GABBR2: variants seen among roughly 807,000 people sequenced by gnomAD.
GABBR2 encodes gamma-aminobutyric acid type B receptor subunit 2, also known as G-protein coupled receptor 51.
In GABBR2, 23 loss-of-function variants were observed where a neutral mutation model predicts 105.6. The observed-to-expected ratio is 0.22, with a 90% CI of 0.16 to 0.31. The LOEUF (loss-of-function observed/expected upper bound fraction) is 0.31. GABBR2 is among the 10% of genes least tolerant of loss of function. GABBR2 has a pLI of 1.00. For synonymous variants in GABBR2, 478 were observed against 499.7 expected (o/e 0.96, Z 0.58); for missense variants, 734 against 1,245.5 (o/e 0.59, Z 6.18).
In GABBR2 at chr9:98,475,575, T is replaced by TG. The variant is rs1588181864; in HGVS notation, c.799-2230dup. 2.0e-5 allele frequency among the ~76,000 whole-genome samples: 3 copies of TG among 152,196 alleles called. No individual in the cohort carries two copies. In the East Asian group the frequency reaches 5.8e-4, roughly 29 times the overall value. ...TTATTTTATTCTCACAACTACCCTA[T>TG]GAGGTATGCACTATTATCTAAATTT... is the stretch of plus-strand genomic sequence containing the variant. On this transcript the variant is annotated intron_variant, in intron 5 of 18. Transcript: ENST00000259455.
chr9:98,634,123 T>C (rs1353053695), intron 1 of GABBR2, among the ~76,000 whole-genome samples: 1 of 152,184 alleles, frequency 6.6e-6, no homozygotes, highest in Non-Finnish European at 1.5e-5. Flanking sequence ...CCGCTGACTA[T>C]AGGAGTGCCT....
chr9:98,517,424 A>G (rs1045504803), intron 3 of GABBR2, among the ~76,000 whole-genome samples: 9 of 152,094 alleles, frequency 5.9e-5, no homozygotes, highest in African/African-American at 2.2e-4. Flanking sequence ...CTCCACCCAC[A>G]TATGTGTCAG....
In GABBR2 at chr9:98,708,697, G is replaced by T. The variant is rs1830937652; in HGVS notation, c.41C>A (p.Pro14Gln). ...PRSSGQPGPP[P>Q]PPPPPPARLL... is the part of the protein sequence containing the mutation. ...GCGCGCGGGCGGCGGTGGCGGCGGC[G>T]GCGGCGGCCCGGGCTGCCCGGAGCT... is the stretch of plus-strand genomic sequence containing the variant. The change falls in exon 1 of 19, where the codon CCG (proline) becomes CAG (glutamine). Residue 14 changes from proline (P) to glutamine (Q), a missense_variant. By Grantham distance (76) the Pro-to-Gln change is moderately conservative. This residue lies in a region of GABBR2 where 70 missense variants were observed against 73.4 expected (regional missense o/e 0.95). Coordinates refer to ENST00000259455, the MANE Select transcript of GABBR2 (RefSeq NM_005458.8). The T allele has an allele frequency of 4.9e-6, 5 of 1,024,368 alleles. No individual in the cohort carries two copies. The highest frequency in any genetic ancestry group is 4.7e-4 in the Middle Eastern group (1 of 2,124). The allele number at this position is 1,024,368 out of a possible 1,614,324, so 63.5% of individuals were successfully genotyped here. A position where few individuals can be genotyped will look rare whatever the true frequency, so the allele number is the denominator to read the frequency against.
At chr9:98,490,175 A>G (rs1467470025) in intron 4 of GABBR2, among the ~76,000 whole-genome samples, 1 of 152,200 alleles carries the variant, frequency 6.6e-6, no homozygotes, top group East Asian at 1.9e-4. Flanking sequence ...CAACACTGTG[A>G]ATGTACTTAA....
chr9:98,539,251 G>C (rs1422668105), intron 3 of GABBR2, among the ~76,000 whole-genome samples: 1 of 152,218 alleles, frequency 6.6e-6, no homozygotes, highest in African/African-American at 2.4e-5. Flanking sequence ...TTACAGGGTG[G>C]CTGTCTGTGA....
At chr9:98,463,888 G>A (rs1022509053) in intron 6 of GABBR2, among the ~76,000 whole-genome samples, 7 of 152,092 alleles carry the variant, frequency 4.6e-5, no homozygotes, top group African/African-American at 7.2e-5. Context: ...TGCCCGCCTC[G>A]GCCTCCCAAG....
intron 6 of GABBR2, among the ~76,000 whole-genome samples, chr9:98,470,817 A>C (rs1826658467): frequency 6.6e-6 from 1 of 151,504 alleles, no homozygotes; most frequent in African/African-American, 2.4e-5. Flanking sequence ...GCATTATTTT[A>C]ATTGCATTAA....
At chr9:98,409,052 C>G (rs7048026) in intron 7 of GABBR2, among the ~76,000 whole-genome samples, 12,612 of 152,276 alleles carry the variant, frequency 0.083, 1,723 homozygotes, top group African/African-American at 0.29. Context: ...TAGCCAGAGG[C>G]AAAAGCCAGG....
At chr9:98,472,889 T>C (rs922702859) in intron 6 of GABBR2, among the ~76,000 whole-genome samples, 3 of 152,150 alleles carry the variant, frequency 2.0e-5, no homozygotes, top group African/African-American at 7.2e-5. Flanking sequence ...CTATTATTCA[T>C]ATATGTATAC....
chr9:98,316,344 G>T (rs896719852), intron 13 of GABBR2, among the ~76,000 whole-genome samples: 1 of 152,104 alleles, frequency 6.6e-6, no homozygotes, highest in Non-Finnish European at 1.5e-5. Context: ...TAGAGACGGG[G>T]TTTCTCCATG....
At chr9:98,349,359 T>TG (rs1831356510) in intron 13 of GABBR2, among the ~76,000 whole-genome samples, 1 of 17,276 alleles carries the variant, frequency 5.8e-5, no homozygotes, top group East Asian at 1.0e-3. Context: ...GTTTTTTTTT[T>TG]TTTTTTTTTT....
intron 6 of GABBR2, among the ~76,000 whole-genome samples, chr9:98,458,931 T>C (rs1826374108): frequency 6.6e-6 from 1 of 152,368 alleles, no homozygotes; most frequent in South Asian, 2.1e-4. Flanking sequence ...TTTCTTCTTA[T>C]ACTCCTCCAG....
intron 3 of GABBR2, among the ~76,000 whole-genome samples, chr9:98,539,292 CA>C (rs1344428596): frequency 2.0e-5 from 3 of 152,202 alleles, no homozygotes; most frequent in Non-Finnish European, 2.9e-5. Flanking sequence ...GGCACACAAC[CA>C]ATGTCAGGGC....
At chr9:98,298,334 C>A (rs1830414905) in intron 17 of GABBR2, among the ~76,000 whole-genome samples, 1 of 152,118 alleles carries the variant, frequency 6.6e-6, no homozygotes, top group African/African-American at 2.4e-5. Context: ...ATTAATGAAA[C>A]CACCCCCAAA....
rs148259030 is a variant in GABBR2, at chr9:98,576,696, A to AAAT, written c.459+1236_459+1238dup. 1.3e-3 allele frequency among the ~76,000 whole-genome samples: 202 copies of AAAT among 152,342 alleles called. 1 individual carries two copies. The highest frequency in any genetic ancestry group is 4.6e-3 in the African/African-American group (193 of 41,574). ...AAAAATTAAAAGAGTTCACGCAGAAAAATACTAAGAACAGTGTCTAGCACA... is the reference window on the plus strand; with the variant it reads ...AAAAATTAAAAGAGTTCACGCAGAAAAATAATACTAAGAACAGTGTCTAGCACA... On this transcript the variant is annotated intron_variant, in intron 2 of 18. Coordinates refer to ENST00000259455, the MANE Select transcript of GABBR2 (RefSeq NM_005458.8).
chr9:98,627,350 T>G (rs960605180), intron 1 of GABBR2, among the ~76,000 whole-genome samples: 2 of 152,108 alleles, frequency 1.3e-5, no homozygotes, highest in Non-Finnish European at 2.9e-5. Flanking sequence ...GTAGGGAGAA[T>G]AGGAGCCATG....
chr9:98,644,675 C>G (rs780065339), intron 1 of GABBR2, among the ~76,000 whole-genome samples: 1 of 152,064 alleles, frequency 6.6e-6, no homozygotes, highest in African/African-American at 2.4e-5. Flanking sequence ...AACCCCATCT[C>G]TACTAAAAAC....
At chr9:98,297,119 C>T (rs919541433) in intron 17 of GABBR2, among the ~76,000 whole-genome samples, 1 of 152,010 alleles carries the variant, frequency 6.6e-6, no homozygotes, top group African/African-American at 2.4e-5. Context: ...CCATTTATCC[C>T]AATGAAATTT....
At chr9:98,551,418 A>G (rs1000346881) in intron 2 of GABBR2, among the ~76,000 whole-genome samples, 1 of 152,184 alleles carries the variant, frequency 6.6e-6, no homozygotes, top group Non-Finnish European at 1.5e-5. Flanking sequence ...CAACCAAACC[A>G]AACCAAACAA....
Sources: gnomAD v4.1 joint callset for allele counts (sites outside exome capture counted in the v4.1 genomes callset) on GRCh38, gnomAD v4.1.1 for gene constraint, gnomAD v4.1.1 regional missense constraint, MANE v1.5 for transcripts, NCBI Gene and HGNC (gene_info 2026-07-23, HGNC 2026-07-21) for gene names.